The following ACSS3 variants were observed in gnomAD, a reference collection of about 807,000 sequenced individuals.
ACSS3 encodes acyl-CoA synthetase short-chain family member 3, mitochondrial.
A neutral mutation model predicts 84.2 loss-of-function variants in ACSS3; 64 were observed. That is an observed-to-expected ratio of 0.76 (90% confidence interval 0.62 to 0.94). The LOEUF is 0.94. Ranked by LOEUF, ACSS3 falls within the 40% of genes least tolerant of loss-of-function variation. The pLI is 0.00. For missense variants in ACSS3, 815 were observed against 867.6 expected, an observed-to-expected ratio of 0.94 and a Z score of 0.76; for synonymous variants, 317 against 310.1, an observed-to-expected ratio of 1.02 and a Z score of -0.23.
At chr12:81,139,537 A>G (rs1258809012) in intron 4 of ACSS3, among the ~76,000 whole-genome samples, 1 of 150,690 alleles carries the variant, frequency 6.6e-6, no homozygotes, top group East Asian at 1.9e-4. Context: ...CTCAGATTAT[A>G]TTAGCAATAA....
intron 1 of ACSS3, among the ~76,000 whole-genome samples, chr12:81,101,507 A>G (rs1256382886): frequency 4.6e-5 from 7 of 152,136 alleles, no homozygotes; most frequent in African/African-American, 1.7e-4. Flanking sequence ...CATTTATATA[A>G]TACAAAACAT....
intron 2 of ACSS3, among the ~76,000 whole-genome samples, chr12:81,115,666 G>A (rs774537688): frequency 1.8e-4 from 27 of 151,988 alleles, no homozygotes; most frequent in Non-Finnish European, 3.1e-4. Context: ...CTATTGGATT[G>A]TTAGCATGCC....
chr12:81,220,507 A>G (rs185138004), intron 11 of ACSS3, among the ~76,000 whole-genome samples: 1 of 152,082 alleles, frequency 6.6e-6, no homozygotes, highest in African/African-American at 2.4e-5. Flanking sequence ...ATATTGCATA[A>G]TCCTAGGGTT....
chr12:81,214,084 C>T lies in ACSS3; in HGVS notation c.1355-2817C>T, dbSNP rs530704812. On this transcript the variant is annotated intron_variant, in intron 9 of 15. Transcript: ENST00000548058. ...TCTGTCACCCAGGCTGGAGTGCAGT[C>T]GTGTGATCTCGGCTCACTGCAACTT... 1.8e-4 allele frequency among the ~76,000 whole-genome samples: 27 copies of T among 150,012 alleles called. 1 individual carries two copies. The highest frequency in any genetic ancestry group is 1.3e-3 in the Admixed American group (19 of 14,954).
At chr12:81,232,572 G>A (rs1244083454) in intron 12 of ACSS3, among the ~76,000 whole-genome samples, 1 of 151,634 alleles carries the variant, frequency 6.6e-6, no homozygotes, top group Non-Finnish European at 1.5e-5. Context: ...ATGTGCCAGA[G>A]TCTGTCCTCT....
chr12:81,219,129 C>T (rs766299534), intron 10 of ACSS3, among the ~76,000 whole-genome samples: 66 of 151,978 alleles, frequency 4.3e-4, no homozygotes, highest in African/African-American at 6.0e-4. Context: ...GGAAACTGAA[C>T]GGGTTACAGA....
chr12:81,188,380 A>G (rs1394037201), intron 8 of ACSS3, among the ~76,000 whole-genome samples: 4 of 152,096 alleles, frequency 2.6e-5, no homozygotes, highest in Non-Finnish European at 5.9e-5. Context: ...TGAGGTATAT[A>G]TACAGAAAAG....
intron 9 of ACSS3, among the ~76,000 whole-genome samples, chr12:81,209,697 A>G (rs775367261): frequency 1.3e-5 from 2 of 152,214 alleles, no homozygotes; most frequent in Non-Finnish European, 2.9e-5. Context: ...CCATAGGAAG[A>G]GCAGCCCGAA....
At chr12:81,158,085 A>G (rs1373582125) in intron 7 of ACSS3, among the ~76,000 whole-genome samples, 1 of 152,088 alleles carries the variant, frequency 6.6e-6, no homozygotes, top group African/African-American at 2.4e-5. Flanking sequence ...AAAGGGCATC[A>G]CGAAGGATCC....
chr12:81,126,865 T>A lies in ACSS3; in HGVS notation c.457-7951T>A, dbSNP rs564146600. ...AATGATAATTCTGAGTAATGGTATTTACTCTTTCATTTGAAGAAAATTATT... is the reference window on the plus strand; with the variant it reads ...AATGATAATTCTGAGTAATGGTATTAACTCTTTCATTTGAAGAAAATTATT... On this transcript the variant is annotated intron_variant, in intron 2 of 15. Transcript: ENST00000548058. Among the ~76,000 whole-genome samples, 4 of 152,166 alleles carry A rather than the reference T, an allele frequency of 2.6e-5. No individual in the cohort carries two copies. In the East Asian group the frequency reaches 7.7e-4, roughly 29 times the overall value.
intron 12 of ACSS3, among the ~76,000 whole-genome samples, chr12:81,232,463 T>G (rs2033498392): frequency 6.6e-6 from 1 of 151,760 alleles, no homozygotes; most frequent in Non-Finnish European, 1.5e-5. Flanking sequence ...TGAACCAAAA[T>G]AGTCAGGCTT....
At chr12:81,252,272 G>C (rs2034178133) in intron 13 of ACSS3, among the ~76,000 whole-genome samples, 1 of 151,948 alleles carries the variant, frequency 6.6e-6, no homozygotes, top group South Asian at 2.1e-4. Context: ...TTTGTATTTA[G>C]ACATTTAGAA....
intron 13 of ACSS3, among the ~76,000 whole-genome samples, chr12:81,247,159 C>CT (rs945205121): frequency 3.3e-5 from 5 of 152,038 alleles, no homozygotes; most frequent in African/African-American, 1.2e-4. Flanking sequence ...GAAATTTTTA[C>CT]TTCATGTCTT....
chr12:81,178,044 G>C (rs990170771), intron 8 of ACSS3, among the ~76,000 whole-genome samples: 3 of 152,116 alleles, frequency 2.0e-5, no homozygotes, highest in African/African-American at 7.2e-5. Context: ...ATTCACAGTA[G>C]CAAAGACTTG....
Position 81,250,127 on chromosome 12 carries a change from A to G in ACSS3, c.1720-3180A>G, listed in dbSNP as rs79404008. 5.9e-3 allele frequency among the ~76,000 whole-genome samples: 901 copies of G among 152,126 alleles called. 28 individuals are homozygous for G. In the East Asian group the frequency reaches 0.11, roughly 19 times the overall value. On this transcript the variant is annotated intron_variant, in intron 13 of 15. Coordinates refer to ENST00000548058, the MANE Select transcript of ACSS3 (RefSeq NM_024560.4). ...AGATTTTATTTGGAGGGAATGCATTAATGTGGTTTTTGATATTTTTCCCCC... is the reference window on the plus strand; with the variant it reads ...AGATTTTATTTGGAGGGAATGCATTGATGTGGTTTTTGATATTTTTCCCCC...
At chr12:81,082,413 A>G (rs1881039297) in intron 1 of ACSS3, among the ~76,000 whole-genome samples, 3 of 152,174 alleles carry the variant, frequency 2.0e-5, no homozygotes, top group Admixed American at 1.3e-4. Context: ...CTTTAGAAGG[A>G]TCATGAGAGG....
chr12:81,126,219 T>A (rs1325895104), intron 2 of ACSS3, among the ~76,000 whole-genome samples: 1 of 152,236 alleles, frequency 6.6e-6, no homozygotes, highest in African/African-American at 2.4e-5. Flanking sequence ...CTGTGATGAT[T>A]AGAGATATTG....
At chr12:81,153,168 G>C (rs1176624867) in intron 7 of ACSS3, among the ~76,000 whole-genome samples, 3 of 152,186 alleles carry the variant, frequency 2.0e-5, no homozygotes, top group Non-Finnish European at 4.4e-5. Context: ...AGCACTTTGG[G>C]AGGCCGAGGC....
chr12:81,078,846 G>T (rs1880791438), intron 1 of ACSS3, among the ~76,000 whole-genome samples: 1 of 152,154 alleles, frequency 6.6e-6, no homozygotes, highest in African/African-American at 2.4e-5. Flanking sequence ...GTTAAGAAAA[G>T]ACTTCAATAA....
Sources: gnomAD v4.1 joint callset for allele counts (sites outside exome capture counted in the v4.1 genomes callset) on GRCh38, gnomAD v4.1.1 for gene constraint, MANE v1.5 for transcripts, NCBI Gene and HGNC (gene_info 2026-07-23, HGNC 2026-07-21) for gene names.